MGAT5B: variants seen among roughly 807,000 people sequenced by gnomAD.
MGAT5B encodes N-acetylglucosaminyl-transferase Vb.
MGAT5B carries 54 observed loss-of-function variants against 95.1 expected under a neutral mutation model. The ratio of observed to expected loss-of-function variants is 0.57; its 90% CI spans 0.46 to 0.71. The LOEUF is 0.71. Ranked by LOEUF, MGAT5B falls within the 30% of genes least tolerant of loss-of-function variation. The probability of loss-of-function intolerance (pLI) is 0.00; values close to 1 mark genes in which losing one functional copy is unlikely to be tolerated. For synonymous variants in MGAT5B, 464 were observed against 451.0 expected (o/e 1.03, Z -0.36); for missense variants, 935 against 1,088.6 (o/e 0.86, Z 1.99).
chr17:76,949,027 C>T lies in MGAT5B; in HGVS notation c.*189C>T. The T allele has an allele frequency of 2.9e-6, 2 of 689,394 alleles. No homozygotes were observed. The highest frequency in any genetic ancestry group is 1.9e-5 in the South Asian group (1 of 51,720). 42.7% of individuals were successfully genotyped at this position (689,394 alleles called of 1,614,324 possible). On this transcript the variant is annotated 3_prime_UTR_variant, in exon 18 of 18. Transcript: ENST00000569840. Reference sequence around the variant, plus strand: ...AATAGGAGGAGGCAGCATGCCGAGCCCCTGGGACCTCCCAGGCAGGCTCCG... The same window carrying T: ...AATAGGAGGAGGCAGCATGCCGAGCTCCTGGGACCTCCCAGGCAGGCTCCG...
intron 3 of MGAT5B, among the ~76,000 whole-genome samples, chr17:76,888,643 C>G (rs568985612): frequency 3.9e-5 from 6 of 152,252 alleles, no homozygotes; most frequent in Admixed American, 1.3e-4. Context: ...TCAGGGGAAG[C>G]AGACTGGACC....
At chr17:76,893,448 G>A (rs936351496) in intron 3 of MGAT5B, among the ~76,000 whole-genome samples, 4 of 152,196 alleles carry the variant, frequency 2.6e-5, no homozygotes, top group African/African-American at 7.2e-5. Flanking sequence ...AGAAGCAGCC[G>A]GTTCAAGCTC....
intron 2 of MGAT5B, among the ~76,000 whole-genome samples, chr17:76,873,920 CT>C (rs1217083291): frequency 6.6e-6 from 1 of 152,168 alleles, no homozygotes; most frequent in Non-Finnish European, 1.5e-5. Context: ...TCTGGCTCCC[CT>C]GTTCTGAGTG....
chr17:76,905,876 ACT>A lies in MGAT5B; in HGVS notation c.856-139_856-138del. The A allele has an allele frequency of 1.2e-6, 1 of 821,066 alleles. No individual in the cohort carries two copies. The highest frequency in any genetic ancestry group is 1.9e-6 in the Non-Finnish European group (1 of 539,642). The allele number at this position is 821,066 out of a possible 1,614,324, so 50.9% of individuals were successfully genotyped here. A position where few individuals can be genotyped will look rare whatever the true frequency, so the allele number is the denominator to read the frequency against. On this transcript the variant is annotated intron_variant, in intron 7 of 17. Coordinates refer to ENST00000569840, the MANE Select transcript of MGAT5B (RefSeq NM_001199172.2). This position sits in a 1 kb window ranked among gnomAD's most constrained non-coding sequence, Gnocchi z 4.2. The stretch of plus-strand genomic sequence containing the variant: ...CGTGTCCCCAGTGCCCGATCTGGTC[ACT>A]CTGGTGCCGGAAAGCACCTGCTGGG...
At chr17:76,907,513 A>G (rs890601300) in intron 8 of MGAT5B, among the ~76,000 whole-genome samples, 1 of 152,196 alleles carries the variant, frequency 6.6e-6, no homozygotes, top group Non-Finnish European at 1.5e-5. Flanking sequence ...TCAAAGACTC[A>G]TCCATCCATG....
At position 76,938,507 on chromosome 17, in the gene MGAT5B, T is replaced by G. The variant is rs543892242; in HGVS notation, c.1584+364T>G. On this transcript the variant is annotated intron_variant, in intron 13 of 17. Coordinates refer to ENST00000569840, the MANE Select transcript of MGAT5B (RefSeq NM_001199172.2). The surrounding 1 kb of genome is among the most constrained non-coding windows in gnomAD (Gnocchi z 4.3). ...CTGAGCTGGGGGGTGGTTGGGTGGGTGGAGAGAAGGGTCCTGGCTAGAGTG... is the reference window on the plus strand; with the variant it reads ...CTGAGCTGGGGGGTGGTTGGGTGGGGGGAGAGAAGGGTCCTGGCTAGAGTG... Among the ~76,000 whole-genome samples the G allele has an allele frequency of 1.3e-5, 2 of 152,124 alleles. No individual in the cohort carries two copies. The highest frequency in any genetic ancestry group is 4.8e-5 in the African/African-American group (2 of 41,508).
chr17:76,890,452 A>G (rs1011268677), intron 3 of MGAT5B, among the ~76,000 whole-genome samples: 14 of 152,224 alleles, frequency 9.2e-5, no homozygotes, highest in African/African-American at 3.4e-4. Flanking sequence ...TTAGGAGTTC[A>G]GGCTGCAATA....
chr17:76,888,949 G>T (rs7210252), intron 3 of MGAT5B, among the ~76,000 whole-genome samples: 15,733 of 152,262 alleles, frequency 0.1, 1,149 homozygotes, highest in East Asian at 0.25. Context: ...CTACTCTTTG[G>T]TCCCTTGGGA....
At chr17:76,890,876 G>T (rs1344193213) in intron 3 of MGAT5B, among the ~76,000 whole-genome samples, 2 of 151,980 alleles carry the variant, frequency 1.3e-5, no homozygotes, top group Non-Finnish European at 2.9e-5. Flanking sequence ...AGCTTTGGGG[G>T]AGGATCCTCT....
intron 3 of MGAT5B, among the ~76,000 whole-genome samples, chr17:76,901,247 A>G (rs1968306233): frequency 6.6e-6 from 1 of 151,986 alleles, no homozygotes; most frequent in South Asian, 2.1e-4. Context: ...GGGTTTGCAG[A>G]CCCGAACGGA....
At chr17:76,902,797 C>T in intron 4 of MGAT5B, 127 bp downstream of exon 4, 1 of 761,866 alleles carries the variant, frequency 1.3e-6, no homozygotes, top group Non-Finnish European at 2.1e-6. Context: ...TCTGCTGGCT[C>T]TTCGGGGCCC....
chr17:76,944,996 G>A (rs12602093), intron 15 of MGAT5B, among the ~76,000 whole-genome samples: 56,621 of 152,050 alleles, frequency 0.37, 10,872 homozygotes, highest in East Asian at 0.56. Context: ...GCATGGTGGG[G>A]TGGGGAGGTT....
intron 2 of MGAT5B, among the ~76,000 whole-genome samples, chr17:76,873,424 C>T (rs1019278206): frequency 2.6e-5 from 4 of 152,206 alleles, no homozygotes; most frequent in Non-Finnish European, 4.4e-5. Flanking sequence ...CTTGCCCACA[C>T]GATATTTGCA....
chr17:76,935,893 AT>A lies in MGAT5B; in HGVS notation c.1429-2093del, dbSNP rs1338007215. Among the ~76,000 whole-genome samples, 37 of 50,936 alleles carry A rather than the reference AT, an allele frequency of 7.3e-4. No individual in the cohort carries two copies. The Middle Eastern group carries it at 0.024, about 33-fold the overall frequency. 33.4% of individuals were successfully genotyped at this position (50,936 alleles called of 152,430 possible). The stretch of plus-strand genomic sequence containing the variant: ...CATTATATATATTATATATTATATA[AT>A]TATATATACATTATATATATTATAT... On this transcript the variant is annotated intron_variant, in intron 12 of 17. Transcript: ENST00000569840.
At chr17:76,898,305 T>TG (rs1428061424) in intron 3 of MGAT5B, among the ~76,000 whole-genome samples, 1 of 151,302 alleles carries the variant, frequency 6.6e-6, no homozygotes, top group Non-Finnish European at 1.5e-5. Context: ...ATCATATAAA[T>TG]GGAGTCACAG....
intron 15 of MGAT5B, among the ~76,000 whole-genome samples, chr17:76,943,006 G>A (rs1395749315): frequency 6.6e-6 from 1 of 151,344 alleles, no homozygotes; most frequent in African/African-American, 2.4e-5. Flanking sequence ...AGCTAAAAGA[G>A]CGAGACACTC....
chr17:76,902,525 T>G (rs1356803181), intron 3 of MGAT5B, 30 bp from the exon 4 acceptor site: 12 of 1,528,306 alleles, frequency 7.9e-6, no homozygotes, highest in Non-Finnish European at 1.8e-6. Context: ...CGGCCGGTTC[T>G]GTGGCTCACC....
chr17:76,879,607 G>A (rs1279715820), intron 2 of MGAT5B, among the ~76,000 whole-genome samples: 1 of 152,118 alleles, frequency 6.6e-6, no homozygotes, highest in African/African-American at 2.4e-5. Context: ...TACCAGTGGT[G>A]TCCTGTGGAG....
intron 12 of MGAT5B, among the ~76,000 whole-genome samples, chr17:76,936,424 A>G (rs1969675439): frequency 6.6e-6 from 1 of 152,170 alleles, no homozygotes; most frequent in Non-Finnish European, 1.5e-5. Flanking sequence ...AAACAAACAA[A>G]ACAATGTCTT....
Sources: allele counts gnomAD v4.1 joint callset (sites outside exome capture counted in the v4.1 genomes callset), GRCh38; gene constraint gnomAD v4.1.1; non-coding constraint Gnocchi (gnomAD v3.1); transcripts MANE v1.5; gene names NCBI Gene and HGNC (gene_info 2026-07-23, HGNC 2026-07-21).